The following CD96 variants were observed in gnomAD, a reference collection of about 807,000 sequenced individuals.
CD96 encodes T-cell surface protein tactile.
Under a neutral mutation model 71.3 loss-of-function variants are expected in CD96, and 70 were observed. That is an observed-to-expected ratio of 0.98 (90% CI 0.81 to 1.20). The LOEUF is 1.20. Among genes scored for constraint, CD96 ranks in the 50% most tolerant of loss-of-function variants. The probability of loss-of-function intolerance (pLI) is 0.00; values close to 1 mark genes in which losing one functional copy is unlikely to be tolerated. For missense variants in CD96, 742 were observed against 677.5 expected (o/e 1.10, Z -1.06); for synonymous variants, 248 against 233.0 (o/e 1.06, Z -0.59).
chr3:111,548,001 C>T (rs1934501799), intron 2 of CD96, among the ~76,000 whole-genome samples: 1 of 152,124 alleles, frequency 6.6e-6, no homozygotes, highest in Non-Finnish European at 1.5e-5. Context: ...TTCTTTCTAC[C>T]CTTTACTGTT....
intron 3 of CD96, chr3:111,577,540 G>A: frequency 1.3e-6 from 2 of 1,599,968 alleles, no homozygotes; most frequent in East Asian, 2.2e-5. Context: ...TTCTTTCTAA[G>A]GGTATAAAGG....
At chr3:111,630,960 T>A (rs1939031902) in intron 10 of CD96, among the ~76,000 whole-genome samples, 1 of 150,638 alleles carries the variant, frequency 6.6e-6, no homozygotes, top group South Asian at 2.1e-4. Context: ...ATTTAACATC[T>A]TAAAAACTCT....
At chr3:111,662,237 C>T (rs1482472742) in intron 14 of CD96, among the ~76,000 whole-genome samples, 8 of 152,230 alleles carry the variant, frequency 5.3e-5, no homozygotes, top group African/African-American at 1.9e-4. Context: ...AGCAGTGGAG[C>T]CCTGGGCCTA....
At chr3:111,631,428 TACAGCTA>T (rs1939056535) in intron 10 of CD96, among the ~76,000 whole-genome samples, 1 of 151,438 alleles carries the variant, frequency 6.6e-6, no homozygotes, top group African/African-American at 2.4e-5. Flanking sequence ...TACCTAGGAG[TACAGCTA>T]ACAAAGGAAG....
chr3:111,593,158 CCA>C, intron 5 of CD96: 3 of 166,334 alleles, frequency 1.8e-5, no homozygotes, highest in South Asian at 1.8e-4. Context: ...TAGGCACATT[CCA>C]GCTACCTAAC....
At chr3:111,586,389 A>G (rs1241632051) in intron 5 of CD96, among the ~76,000 whole-genome samples, 1 of 152,204 alleles carries the variant, frequency 6.6e-6, no homozygotes, top group African/African-American at 2.4e-5. Flanking sequence ...ATAATTGCAT[A>G]CAAATCATAG....
At chr3:111,655,670 T>C (rs1055737311), downstream of CD96, among the ~76,000 whole-genome samples, 1 of 151,986 alleles carries the variant, frequency 6.6e-6, no homozygotes, top group Non-Finnish European at 1.5e-5. Context: ...CTTAATATAA[T>C]TTACCATATA....
chr3:111,620,537 C>G lies in CD96; in HGVS notation c.1181-3217C>G, dbSNP rs554201024. Among the ~76,000 whole-genome samples, 7 of 152,122 alleles carry G rather than the reference C, an allele frequency of 4.6e-5. No individual in the cohort carries two copies. In the South Asian group the frequency reaches 6.2e-4, roughly 14 times the overall value. ...TGACTTCTACATAATGAGTGAGGTC[C>G]CATAGTAAAGGGGTCATTATCCCAA... is the stretch of plus-strand genomic sequence containing the variant. On this transcript the variant is annotated intron_variant, in intron 8 of 13. Transcript: ENST00000352690.
In CD96 at chr3:111,545,237, T is replaced by C; in HGVS notation, c.253T>C (p.Cys85Arg). Residue 85 changes from cysteine to arginine, a missense_variant, in exon 2 of 14, where the codon TGT becomes CGT. Physicochemically the swap from Cys to Arg is radical, Grantham distance 180. Transcript: ENST00000352690. ...YGFYCAYGRP[C>R]ESLVTFTETP... is the part of the protein sequence containing the mutation. The stretch of plus-strand genomic sequence containing the variant: ...CTTCTACTGTGCCTATGGGAGACCC[T>C]GTGAGTCACTTGTGACTTTCACAGA... 6.2e-7 allele frequency: 1 copy of C among 1,614,204 alleles called. No homozygotes were observed. The highest frequency in any genetic ancestry group is 1.3e-5 in the African/African-American group (1 of 75,068).
intron 2 of CD96, among the ~76,000 whole-genome samples, chr3:111,562,563 A>T (rs182750393): frequency 6.6e-6 from 1 of 152,312 alleles, no homozygotes; most frequent in East Asian, 1.9e-4. Flanking sequence ...TTATTTTTTA[A>T]TTTGGCTTGC....
At position 111,576,446 on chromosome 3, in the gene CD96, G is replaced by T. The variant is rs182407147; in HGVS notation, c.544-2581G>T. On this transcript the variant is annotated intron_variant, in intron 3 of 13. Coordinates refer to ENST00000352690, the MANE Select transcript of CD96 (RefSeq NM_005816.5). ...CACCCCTGTAATCTACAACTCACAT[G>T]AAAGGTTCTAGCTTTCTAAAATTTC... Among the ~76,000 whole-genome samples the T allele has an allele frequency of 2.5e-3, 374 of 152,268 alleles. 2 individuals are homozygous for T. The highest frequency in any genetic ancestry group is 0.017 in the Middle Eastern group (5 of 294).
At chr3:111,659,817 A>C (rs542562264) in intron 14 of CD96, among the ~76,000 whole-genome samples, 1 of 152,338 alleles carries the variant, frequency 6.6e-6, no homozygotes, top group East Asian at 1.9e-4. Context: ...CTTAAGATAA[A>C]ATCCAACATT....
chr3:111,550,377 G>A (rs1298205880), intron 2 of CD96, among the ~76,000 whole-genome samples: 4 of 152,032 alleles, frequency 2.6e-5, no homozygotes, highest in Admixed American at 1.3e-4. Flanking sequence ...AGATAGAGGT[G>A]TTCAAATGCG....
chr3:111,567,333 G>A (rs1014635548), intron 2 of CD96, among the ~76,000 whole-genome samples, 190 bp from the exon 3 acceptor site: 5 of 152,140 alleles, frequency 3.3e-5, no homozygotes, highest in African/African-American at 1.2e-4. Flanking sequence ...CAACAATTCT[G>A]TGCTCCTCAG....
intron 3 of CD96, among the ~76,000 whole-genome samples, chr3:111,572,992 C>T (rs558800571): frequency 6.6e-6 from 1 of 152,214 alleles, no homozygotes; most frequent in African/African-American, 2.4e-5. Flanking sequence ...TAACATTCAT[C>T]CAGCATGAGG....
chr3:111,596,190 T>C (rs1334508423), intron 5 of CD96, among the ~76,000 whole-genome samples: 2 of 145,010 alleles, frequency 1.4e-5, no homozygotes, highest in African/African-American at 2.6e-5. Flanking sequence ...AATGAATAAA[T>C]AAAAATAAAA....
chr3:111,604,901 T>C (rs1937582350), intron 7 of CD96, among the ~76,000 whole-genome samples: 1 of 152,156 alleles, frequency 6.6e-6, no homozygotes, highest in Non-Finnish European at 1.5e-5. Flanking sequence ...AAAAACTGTG[T>C]TCCAATAAAA....
intron 4 of CD96, 58 bp downstream of exon 4, chr3:111,579,292 C>G: frequency 1.1e-6 from 1 of 950,064 alleles, no homozygotes. Context: ...CCCTGCTCTT[C>G]CTTGAAGAGG....
chr3:111,601,036 C>T (rs112477980), intron 7 of CD96, 122 bp downstream of exon 7: 2 of 629,684 alleles, frequency 3.2e-6, no homozygotes. Context: ...TTTTATGTAA[C>T]TCAAAACTAT....
Sources: gnomAD v4.1 joint callset for allele counts (sites outside exome capture counted in the v4.1 genomes callset) on GRCh38, gnomAD v4.1.1 for gene constraint, MANE v1.5 for transcripts, NCBI Gene and HGNC (gene_info 2026-07-23, HGNC 2026-07-21) for gene names.